Variants in CYP3A5 observed in about 807,000 individuals in gnomAD.
CYP3A5 encodes cytochrome P450 3A5.
Under a neutral mutation model 55.9 loss-of-function variants are expected in CYP3A5, and 51 were observed. The ratio of observed to expected loss-of-function variants is 0.91; its 90% CI spans 0.73 to 1.15. CYP3A5 has a LOEUF of 1.15. Among genes scored for constraint, CYP3A5 ranks in the 50% most tolerant of loss-of-function variants. The pLI, the probability that CYP3A5 is intolerant of heterozygous loss-of-function variation, is 0.00. For missense variants in CYP3A5, 533 were observed against 596.6 expected (o/e 0.89, Z 1.11); for synonymous variants, 196 against 213.9 (o/e 0.92, Z 0.73).
intron 3 of CYP3A5, among the ~76,000 whole-genome samples, chr7:99,673,608 G>A (rs1811911965): frequency 6.6e-6 from 1 of 152,190 alleles, no homozygotes; most frequent in African/African-American, 2.4e-5. Context: ...AGCATAAGTG[G>A]TTTCCCAATC....
intron 2 of CYP3A5, among the ~76,000 whole-genome samples, chr7:99,675,804 C>T (rs1427726070): frequency 6.8e-6 from 1 of 148,056 alleles, no homozygotes; most frequent in East Asian, 2.0e-4. Flanking sequence ...TACAATCCTC[C>T]CACCTTAACA....
Position 99,650,089 on chromosome 7 carries a change from G to A in CYP3A5, c.1397C>T (p.Pro466Leu), listed in dbSNP as rs1450116579. ...IRVLQNFSFK[P>L]CKETQIPLKL... ...TGTACTGACCTGTGTTTCTTTACAA[G>A]GTTTGAAGGAGAAGTTCTGAAGGAC... is the stretch of plus-strand genomic sequence containing the variant. Residue 466 changes from proline (P) to leucine (L), a missense_variant, in exon 12 of 13, where the codon CCT becomes CTT. By Grantham distance (98) the Pro-to-Leu change is moderately conservative. Coordinates refer to ENST00000222982, the MANE Select transcript of CYP3A5 (RefSeq NM_000777.5). The A allele has an allele frequency of 6.2e-7, 1 of 1,614,010 alleles. No individual in the cohort carries two copies. The highest frequency in any genetic ancestry group is 1.3e-5 in the African/African-American group (1 of 75,012).
intron 12 of CYP3A5, among the ~76,000 whole-genome samples, chr7:99,649,217 G>T (rs1314692592): frequency 6.6e-6 from 1 of 152,146 alleles, no homozygotes; most frequent in Non-Finnish European, 1.5e-5. Context: ...CCCCCTGCCT[G>T]AATACACACA....
chr7:99,668,262 G>T (rs1811232012), intron 4 of CYP3A5, among the ~76,000 whole-genome samples: 1 of 152,142 alleles, frequency 6.6e-6, no homozygotes, highest in Non-Finnish European at 1.5e-5. Flanking sequence ...ACTATAAAAT[G>T]TTGAGGAAAG....
rs1195169810 is a variant in CYP3A5 at position 99,653,557 on chromosome 7, A to C, written c.1027-778T>G. Among the ~76,000 whole-genome samples, 1 of 152,248 alleles carries C rather than the reference A, an allele frequency of 6.6e-6. No homozygotes were observed. The highest frequency in any genetic ancestry group is 1.5e-5 in the Non-Finnish European group (1 of 68,036). ...ATTTATGATTGGATGCTACCAAGGT[A>C]CACAATTTGAGTTCTAGTTAAAGTT... On this transcript the variant is annotated intron_variant, in intron 10 of 12. Transcript: ENST00000222982. This position sits in a 1 kb window ranked among gnomAD's most constrained non-coding sequence, Gnocchi z 4.2.
At chr7:99,655,960 C>G (rs1057289359) in intron 10 of CYP3A5, among the ~76,000 whole-genome samples, 10 of 152,170 alleles carry the variant, frequency 6.6e-5, no homozygotes, top group Admixed American at 1.3e-4. Flanking sequence ...AGTTGTTTAT[C>G]AGCTTAAGGA....
intron 10 of CYP3A5, among the ~76,000 whole-genome samples, chr7:99,654,594 C>A (rs1278612222): frequency 1.3e-5 from 2 of 152,172 alleles, no homozygotes; most frequent in African/African-American, 2.4e-5. Flanking sequence ...TGGGTATATA[C>A]CCAGTAATGG....
intron 1 of CYP3A5, 95 bp from the exon 2 acceptor site, chr7:99,676,303 G>A: frequency 6.3e-7 from 1 of 1,589,414 alleles, no homozygotes; most frequent in Non-Finnish European, 8.6e-7. Context: ...TCAAGAGAGG[G>A]AGGTAATATG....
chr7:99,672,464 C>T (rs1389712692), intron 4 of CYP3A5, 116 bp downstream of exon 4: 2 of 856,382 alleles, frequency 2.3e-6, no homozygotes, highest in East Asian at 5.0e-5. Context: ...ATGAAGAGTA[C>T]ATGGAACCTT....
intron 10 of CYP3A5, among the ~76,000 whole-genome samples, chr7:99,655,470 T>G (rs1310994833): frequency 6.6e-6 from 1 of 152,256 alleles, no homozygotes; most frequent in African/African-American, 2.4e-5. Context: ...CATGCTGTTT[T>G]GGTTACTGTA....
In CYP3A5 at chr7:99,672,587, T is replaced by A. The variant is rs1186517408; in HGVS notation, c.311A>T (p.Asn104Ile). 2.5e-6 allele frequency: 4 copies of A among 1,613,348 alleles called. No individual in the cohort carries two copies. In the African/African-American group the frequency reaches 5.3e-5, roughly 22 times the overall value. ...LVKECYSVFT[N>I]RRSLGPVGFM... is the part of the protein sequence containing the mutation. ...CAAAAAATGGATGCTTACCCTTCGA[T>A]TTGTGAAGACAGAATAACATTCTTT... Residue 104 changes from asparagine (N) to isoleucine (I), a missense_variant, in exon 4 of 13, where the codon AAT (asparagine) becomes ATT (isoleucine). Physicochemically the swap from Asn to Ile is moderately radical, Grantham distance 149 (BLOSUM62 -3). Transcript: ENST00000222982.
chr7:99,674,536 C>T lies in CYP3A5; in HGVS notation c.215G>A (p.Trp72Ter), dbSNP rs1172946988. 1.8e-5 allele frequency: 29 copies of T among 1,613,596 alleles called. No individual in the cohort carries two copies. Among genetic ancestry groups the T allele is most frequent in the Non-Finnish European group, 2.2e-5 (26 of 1,179,682 alleles). Residue 72 changes from tryptophan to a stop codon, truncating the protein, a stop_gained, in exon 3 of 13, where the codon TGG becomes TAG. Coordinates refer to ENST00000222982, the MANE Select transcript of CYP3A5 (RefSeq NM_000777.5). LOFTEE classifies it high-confidence loss of function. ...TECYKKYGKMWGTYEGQLPVL... is the reference protein window; with the variant it reads ...TECYKKYGKM ...TGGAGGTTTTCAGAATACTCACCCC[C>T]ACATTTTTCCATACTTTTTATAGCA...
chr7:99,674,589 G>A lies in CYP3A5; in HGVS notation c.166-4C>T, dbSNP rs372154369. On this transcript the variant is annotated splice_region_variant and splice_polypyrimidine_tract_variant and intron_variant, in intron 2 of 12. Coordinates refer to ENST00000222982, the MANE Select transcript of CYP3A5 (RefSeq NM_000777.5). ...CTGTGTCAAATTTCCAGAGACCCTG[G>A]GAGAGGAAACAAAATACAAGTTGAT... 25 of 1,612,044 alleles carry A rather than the reference G, an allele frequency of 1.6e-5. No homozygotes were observed. Among genetic ancestry groups the A allele is most frequent in the Non-Finnish European group, 2.0e-5 (24 of 1,178,528 alleles).
chr7:99,667,117 G>T, intron 4 of CYP3A5, 52 bp from the exon 5 acceptor site: 1 of 1,523,380 alleles, frequency 6.6e-7, no homozygotes, highest in South Asian at 1.2e-5. Flanking sequence ...TGATCTTCAT[G>T]GTTGCACAAA....
Position 99,662,961 on chromosome 7 carries a change from C to T in CYP3A5, c.799-79G>A. 7.6e-6 allele frequency: 12 copies of T among 1,588,510 alleles called. No homozygotes were observed. Among genetic ancestry groups the T allele is most frequent in the Non-Finnish European group, 1.0e-5 (12 of 1,165,784 alleles). On this transcript the variant is annotated intron_variant, in intron 8 of 12. Coordinates refer to ENST00000222982, the MANE Select transcript of CYP3A5 (RefSeq NM_000777.5). This position sits in a 1 kb window ranked among gnomAD's most constrained non-coding sequence, Gnocchi z 4.3. ...GTAAATCAAAAGTGCAGTCCTCAAC[C>T]TCCCTTCTTGACTTCCCTCCCTCAA...
chr7:99,649,762 A>G (rs1164188835), intron 12 of CYP3A5, among the ~76,000 whole-genome samples: 4 of 152,222 alleles, frequency 2.6e-5, no homozygotes, highest in East Asian at 1.9e-4. Context: ...ACAGCCAGGT[A>G]ATCATTGCAC....
rs979364415 is a variant in CYP3A5, at chr7:99,662,191, T to C, written c.865+625A>G. Among the ~76,000 whole-genome samples, 2 of 152,140 alleles carry C rather than the reference T, an allele frequency of 1.3e-5. No homozygotes were observed. Among genetic ancestry groups the C allele is most frequent in the African/African-American group, 4.8e-5 (2 of 41,428 alleles). On this transcript the variant is annotated intron_variant, in intron 9 of 12. Transcript: ENST00000222982. This position sits in a 1 kb window ranked among gnomAD's most constrained non-coding sequence, Gnocchi z 4.3. ...AACCAATTGTTAAATATTCAAAAAT[T>C]TTGTGAGATGGTTGCCAAATCTTGG...
chr7:99,677,171 A>G, intron 1 of CYP3A5: 1 of 985,116 alleles, frequency 1.0e-6, no homozygotes. Context: ...TCATGTGCAA[A>G]CTCCTCCAAC....
In CYP3A5 at chr7:99,660,672, G is replaced by C; in HGVS notation, c.866-13C>G. On this transcript the variant is annotated splice_polypyrimidine_tract_variant and intron_variant, in intron 9 of 12. Coordinates refer to ENST00000222982, the MANE Select transcript of CYP3A5 (RefSeq NM_000777.5). ...AGATCAGACAGAGCTGAAAGGAGAGGAAAGACATTTTAGGTAAATCAGGTC... is the reference window on the plus strand; with the variant it reads ...AGATCAGACAGAGCTGAAAGGAGAGCAAAGACATTTTAGGTAAATCAGGTC... 17 of 1,613,272 alleles carry C rather than the reference G, an allele frequency of 1.1e-5. No individual in the cohort carries two copies. Among genetic ancestry groups the C allele is most frequent in the Non-Finnish European group, 1.4e-5 (17 of 1,179,526 alleles).
Sources: allele counts gnomAD v4.1 joint callset (sites outside exome capture counted in the v4.1 genomes callset), GRCh38; gene constraint gnomAD v4.1.1; non-coding constraint Gnocchi (gnomAD v3.1); transcripts MANE v1.5; gene names NCBI Gene and HGNC (gene_info 2026-07-23, HGNC 2026-07-21).